COL4A6: variants seen among roughly 807,000 people sequenced by gnomAD.
COL4A6 encodes the protein collagen type IV alpha 6 chain, also known as collagen alpha-6(IV) chain.
Under a neutral mutation model 126.7 loss-of-function variants are expected in COL4A6, and 59 were observed. The observed-to-expected ratio is 0.47, with a 90% CI of 0.38 to 0.58. The LOEUF (loss-of-function observed/expected upper bound fraction) is 0.58, where lower values mean the gene tolerates loss of function less well. COL4A6 is among the 20% of genes least tolerant of loss of function. The pLI is 0.00. For missense variants in COL4A6, 1,285 were observed against 1,337.3 expected (o/e 0.96, Z 0.61); for synonymous variants, 547 against 496.6 (o/e 1.10, Z -1.35).
chrX:108,381,047 T>G (rs1339530479), intron 2 of COL4A6, among the ~76,000 whole-genome samples: 1 of 112,256 alleles, frequency 8.9e-6, no homozygotes, highest in Non-Finnish European at 1.9e-5. Context: ...GTAAGCCATC[T>G]TCTATAAAAA....
At chrX:108,371,214 T>A (rs186309728) in intron 2 of COL4A6, among the ~76,000 whole-genome samples, 142 of 110,512 alleles carry the variant, frequency 1.3e-3, no homozygotes, top group Non-Finnish European at 2.4e-3. Flanking sequence ...GTGTTTTTTT[T>A]AATATAGAAA....
intron 13 of COL4A6, among the ~76,000 whole-genome samples, chrX:108,199,660 C>G (rs1192110911): frequency 9.0e-6 from 1 of 111,689 alleles, no homozygotes; most frequent in Non-Finnish European, 1.9e-5. Context: ...GCATTGTCGT[C>G]AGTCTCTTTC....
intron 2 of COL4A6, among the ~76,000 whole-genome samples, chrX:108,377,560 T>C (rs1475938959): frequency 1.1e-4 from 12 of 108,581 alleles, no homozygotes; most frequent in African/African-American, 3.1e-4. Context: ...AAATTTCTTT[T>C]TTTTTTTTTT....
chrX:108,264,321 C>T (rs1238311187), intron 3 of COL4A6, among the ~76,000 whole-genome samples: 1 of 111,891 alleles, frequency 8.9e-6, no homozygotes, highest in Non-Finnish European at 1.9e-5. Context: ...ACCAAGTGTA[C>T]AGGAAAGGCC....
intron 3 of COL4A6, among the ~76,000 whole-genome samples, chrX:108,289,884 G>T (rs183484731): frequency 2.7e-5 from 3 of 112,168 alleles, no homozygotes; most frequent in Non-Finnish European, 1.9e-5. Context: ...GCATTGGCTG[G>T]CACTGGTTTG....
chrX:108,266,273 C>G (rs2037300421), intron 3 of COL4A6, among the ~76,000 whole-genome samples: 1 of 111,141 alleles, frequency 9.0e-6, no homozygotes, highest in Non-Finnish European at 1.9e-5. Context: ...CAGAAAATCA[C>G]TTGGTGGGAT....
chrX:108,353,591 T>G (rs983990247), intron 2 of COL4A6, among the ~76,000 whole-genome samples: 3 of 111,420 alleles, frequency 2.7e-5, no homozygotes, highest in Non-Finnish European at 5.7e-5. Context: ...CTAGAGATTA[T>G]AGGGTGAGGG....
At chrX:108,411,919 C>A (rs2041340176) in intron 2 of COL4A6, among the ~76,000 whole-genome samples, 1 of 110,390 alleles carries the variant, frequency 9.1e-6, no homozygotes, top group Non-Finnish European at 1.9e-5. Context: ...GGGGTGGGAT[C>A]AGAGGGAAGA....
At chrX:108,437,118 A>T (rs890058752) in intron 2 of COL4A6, among the ~76,000 whole-genome samples, 3 of 112,117 alleles carry the variant, frequency 2.7e-5, no homozygotes, top group Non-Finnish European at 5.6e-5. Flanking sequence ...TATTTCTGCC[A>T]GCTTAAGTAG....
rs2034461936 is a variant in COL4A6, at chrX:108,175,710, G to T, written c.2774C>A (p.Pro925Gln). 1.7e-6 allele frequency: 2 copies of T among 1,200,128 alleles called. No homozygotes were observed. Among genetic ancestry groups the T allele is most frequent in the South Asian group, 3.6e-5 (2 of 56,237 alleles). The change falls in exon 29 of 45, where the codon CCA becomes CAA. Residue 925 changes from proline (P) to glutamine (Q), a missense_variant. Pro to Gln is a moderately conservative substitution (Grantham distance 76). Transcript: ENST00000334504. ...IPGTRGLKGI[P>Q]GSTGKMGPSG... The stretch of plus-strand genomic sequence containing the variant: ...TGGTCCCATTTTTCCAGTTGATCCT[G>T]GAATTCCTTTTAATCCTCTTGTTCC...
chrX:108,232,591 C>A (rs1473106688), intron 3 of COL4A6, among the ~76,000 whole-genome samples: 1 of 112,060 alleles, frequency 8.9e-6, no homozygotes, highest in African/African-American at 3.2e-5. Context: ...TGAAAATTTT[C>A]TAGCAAACTT....
intron 2 of COL4A6, among the ~76,000 whole-genome samples, chrX:108,373,618 T>C (rs1008457582): frequency 9.0e-6 from 1 of 111,170 alleles, no homozygotes; most frequent in Non-Finnish European, 1.9e-5. Context: ...TGATTATGTC[T>C]CTCTCCTTCC....
At position 108,192,484 on chromosome X, in the gene COL4A6, G is replaced by T; in HGVS notation, c.1169C>A (p.Pro390Gln). The change falls in exon 18 of 45, where the codon CCA (proline) becomes CAA (glutamine). Residue 390 changes from proline (P) to glutamine (Q), a missense_variant. By Grantham distance (76) the Pro-to-Gln change is moderately conservative. Transcript: ENST00000334504. Reference sequence around the variant, plus strand: ...TTAGTTTTTTTCACCTGATAATGCTGGCAATCCAGGGACACCAGAAGGGCC... The same window carrying T: ...TTAGTTTTTTTCACCTGATAATGCTTGCAATCCAGGGACACCAGAAGGGCC... Reference protein sequence around the residue: ...LRGPSGVPGLPALSGVPGALG... With the variant: ...LRGPSGVPGLQALSGVPGALG... 2 of 1,205,432 alleles carry T rather than the reference G, an allele frequency of 1.7e-6. No individual in the cohort carries two copies. Among genetic ancestry groups the T allele is most frequent in the Non-Finnish European group, 2.2e-6 (2 of 890,722 alleles).
At chrX:108,276,571 A>C (rs1222821405) in intron 3 of COL4A6, among the ~76,000 whole-genome samples, 4 of 112,398 alleles carry the variant, frequency 3.6e-5, no homozygotes, top group Non-Finnish European at 5.6e-5. Flanking sequence ...AGGTACTCTT[A>C]TCCCCTGTGA....
At position 108,175,922 on chromosome X, in the gene COL4A6, C is replaced by T. The variant is rs2034472042; in HGVS notation, c.2687-125G>A. 1.7e-5 allele frequency: 9 copies of T among 530,622 alleles called. No individual in the cohort carries two copies. In the South Asian group the frequency reaches 2.9e-4, roughly 17 times the overall value. The allele number at this position is 530,622 out of a possible 1,213,427, so 43.7% of individuals were successfully genotyped here. The stretch of plus-strand genomic sequence containing the variant: ...GAAGTTGCAGAGAAGGAATTCAAAC[C>T]CAGGTTTCTCTAATTCCAAAGTCTT... On this transcript the variant is annotated intron_variant, in intron 28 of 44. Coordinates refer to ENST00000334504, the MANE Select transcript of COL4A6 (RefSeq NM_033641.4).
intron 6 of COL4A6, 77 bp downstream of exon 6, chrX:108,214,031 GTTTC>G: frequency 1.2e-6 from 1 of 850,381 alleles, no homozygotes; most frequent in East Asian, 3.1e-5. Context: ...AAATCTTGAG[GTTTC>G]CAGAGAGGCA....
chrX:108,346,059 C>A (rs760757520), intron 2 of COL4A6, among the ~76,000 whole-genome samples: 3 of 111,206 alleles, frequency 2.7e-5, no homozygotes, highest in Non-Finnish European at 5.7e-5. Flanking sequence ...CCCCGCACCC[C>A]CCACACACCG....
At chrX:108,297,892 T>C (rs1448984773) in intron 3 of COL4A6, among the ~76,000 whole-genome samples, 3 of 106,993 alleles carry the variant, frequency 2.8e-5, no homozygotes, top group Non-Finnish European at 5.8e-5. Flanking sequence ...CCCTCCCCTC[T>C]CCTGTCTTCT....
At chrX:108,362,449 C>T (rs909655176) in intron 2 of COL4A6, among the ~76,000 whole-genome samples, 3 of 111,798 alleles carry the variant, frequency 2.7e-5, no homozygotes, top group Non-Finnish European at 3.8e-5. Flanking sequence ...CTGTAAAGGT[C>T]GCCTAGTCCA....
Sources: gnomAD v4.1 joint callset for allele counts (sites outside exome capture counted in the v4.1 genomes callset) on GRCh38, gnomAD v4.1.1 for gene constraint, MANE v1.5 for transcripts, NCBI Gene and HGNC (gene_info 2026-07-23, HGNC 2026-07-21) for gene names.